Variants in GRIK5 observed in about 807,000 individuals in gnomAD.
The protein encoded by GRIK5 is glutamate ionotropic receptor kainate type subunit 5.
In GRIK5, 43 loss-of-function variants were observed where a neutral mutation model predicts 97.4. That is an observed-to-expected ratio of 0.44 (90% CI 0.35 to 0.57). The LOEUF is 0.57. GRIK5 is among the 20% of genes least tolerant of loss of function. The pLI, the probability that GRIK5 is intolerant of heterozygous loss-of-function variation, is 0.01. For synonymous variants in GRIK5, 580 were observed against 583.5 expected (o/e 0.99, Z 0.09); for missense variants, 1,015 against 1,382.0 (o/e 0.73, Z 4.21).
At chr19:42,066,686 G>A (rs1349531028) in intron 1 of GRIK5, among the ~76,000 whole-genome samples, 1 of 151,804 alleles carries the variant, frequency 6.6e-6, no homozygotes, top group Non-Finnish European at 1.5e-5. Context: ...CTAGGAGGGA[G>A]AAAGAGGGAA....
At chr19:42,004,238 A>C (rs894836713) in intron 17 of GRIK5, among the ~76,000 whole-genome samples, 3 of 152,090 alleles carry the variant, frequency 2.0e-5, no homozygotes, top group Non-Finnish European at 4.4e-5. Flanking sequence ...TGTGTTTATC[A>C]TCTTTCGTCT....
At position 42,056,678 on chromosome 19, in the gene GRIK5, G is replaced by A. The variant is rs756027012; in HGVS notation, c.887C>T (p.Thr296Ile). The A allele has an allele frequency of 1.5e-5, 24 of 1,614,110 alleles. No individual in the cohort carries two copies. The highest frequency in any genetic ancestry group is 1.9e-5 in the Non-Finnish European group (23 of 1,179,966). Residue 296 changes from threonine (T) to isoleucine (I), a missense_variant, in exon 8 of 20, where the codon ACC (threonine) becomes ATC (isoleucine). Around this residue, in one of 5 missense-constraint regions of GRIK5, gnomAD observed 477 missense variants for 701.1 expected, o/e 0.68. Coordinates refer to ENST00000593562, the MANE Select transcript of GRIK5 (RefSeq NM_002088.5). ...TGTGCTCACCGCAGGGCCCAGGTAG[G>A]TGCTGGCTTCACAGTTCTCCCTCCA... ...MSWRENCEASTYLGPALSAAL... is the reference protein window; with the variant it reads ...MSWRENCEASIYLGPALSAAL...
chr19:42,003,249 A>G lies in GRIK5; in HGVS notation c.2514+83T>C. On this transcript the variant is annotated intron_variant, in intron 19 of 19. Transcript: ENST00000593562. The surrounding 1 kb of genome is among the most constrained non-coding windows in gnomAD (Gnocchi z 4.2). ...TCGCGATCCCCACCACCCTCCAGGT[A>G]TGGCTCCCAATGCCACAATCTTCAC... The G allele has an allele frequency of 1.5e-6, 2 of 1,294,258 alleles. No homozygotes were observed. Among genetic ancestry groups the G allele is most frequent in the Admixed American group, 1.8e-5 (1 of 56,242 alleles). The allele number at this position is 1,294,258 out of a possible 1,614,324, so 80.2% of individuals were successfully genotyped here. A position where few individuals can be genotyped will look rare whatever the true frequency, so the allele number is the denominator to read the frequency against.
intron 11 of GRIK5, among the ~76,000 whole-genome samples, chr19:42,048,630 A>C (rs1162090651): frequency 6.6e-6 from 1 of 152,026 alleles, no homozygotes; most frequent in Non-Finnish European, 1.5e-5. Context: ...AAAATAAAAA[A>C]ATAAACAAAT....
chr19:42,060,939 C>T (rs1011106150), intron 5 of GRIK5, among the ~76,000 whole-genome samples: 1 of 152,130 alleles, frequency 6.6e-6, no homozygotes, highest in Admixed American at 6.5e-5. Context: ...GTGTTTTTTG[C>T]CCAAGTCCTC....
In GRIK5 at chr19:42,002,713, A is replaced by G. The variant is rs2075437718; in HGVS notation, c.2514+619T>C. ...GGGCGGCCCCCAGGGACATGGAAGC[A>G]GCCCTCCTGAACACAGTGTGGGACC... On this transcript the variant is annotated intron_variant, in intron 19 of 19. Transcript: ENST00000593562. This position sits in a 1 kb window ranked among gnomAD's most constrained non-coding sequence, Gnocchi z 5.2. Among the ~76,000 whole-genome samples, 1 of 152,114 alleles carries G rather than the reference A, an allele frequency of 6.6e-6. No homozygotes were observed. The highest frequency in any genetic ancestry group is 2.4e-5 in the African/African-American group (1 of 41,412).
chr19:42,049,026 G>A (rs2076079375), intron 11 of GRIK5, among the ~76,000 whole-genome samples: 1 of 152,078 alleles, frequency 6.6e-6, no homozygotes, highest in Non-Finnish European at 1.5e-5. Context: ...GGGTAACAGA[G>A]CAAGACCCTC....
At chr19:42,027,924 G>A (rs2075791831) in intron 12 of GRIK5, among the ~76,000 whole-genome samples, 1 of 152,094 alleles carries the variant, frequency 6.6e-6, no homozygotes, top group South Asian at 2.1e-4. Flanking sequence ...CAAACTCTTG[G>A]GCTCAAGCGA....
intron 12 of GRIK5, among the ~76,000 whole-genome samples, chr19:42,032,206 T>A (rs922312247): frequency 4.6e-5 from 7 of 152,210 alleles, no homozygotes; most frequent in African/African-American, 1.7e-4. Context: ...AATGGCTAAA[T>A]AAATTATGGT....
Position 42,003,347 on chromosome 19 carries a change from T to TGACCTCCGTGTG in GRIK5, c.2487_2498dup (p.Thr830_Ser833dup), listed in dbSNP as rs1555871500. 4 of 1,486,652 alleles carry TGACCTCCGTGTG rather than the reference T, an allele frequency of 2.7e-6. No homozygotes were observed. Among genetic ancestry groups the TGACCTCCGTGTG allele is most frequent in the Non-Finnish European group, 3.7e-6 (4 of 1,069,608 alleles). The allele number at this position is 1,486,652 out of a possible 1,614,324, so 92.1% of individuals were successfully genotyped here. A position where few individuals can be genotyped will look rare whatever the true frequency, so the allele number is the denominator to read the frequency against. On this transcript the variant is annotated inframe_insertion, in exon 19 of 20. Coordinates refer to ENST00000593562, the MANE Select transcript of GRIK5 (RefSeq NM_002088.5). The surrounding 1 kb of genome is among the most constrained non-coding windows in gnomAD (Gnocchi z 4.2). The stretch of plus-strand genomic sequence containing the variant: ...GCCTCCTCACCTCCTCGGACTCAGC[T>TGACCTCCGTGTG]GACCTCCGTGTGGACCATATGAATT...
In GRIK5 at chr19:42,006,550, C is replaced by G; in HGVS notation, c.2037+95G>C. On this transcript the variant is annotated intron_variant, in intron 16 of 19. Coordinates refer to ENST00000593562, the MANE Select transcript of GRIK5 (RefSeq NM_002088.5). The surrounding 1 kb of genome is among the most constrained non-coding windows in gnomAD (Gnocchi z 5.3). ...CTCCAGGCTGTCACTGACAATCAGT[C>G]CCTCTGACCCAGGAGACCCTGCCCA... The G allele has an allele frequency of 9.5e-7, 1 of 1,053,622 alleles. No individual in the cohort carries two copies. Among genetic ancestry groups the G allele is most frequent in the Non-Finnish European group, 1.4e-6 (1 of 701,524 alleles). The allele number at this position is 1,053,622 out of a possible 1,614,324, so 65.3% of individuals were successfully genotyped here.
rs1350206494 is a variant in GRIK5 at position 41,999,373 on chromosome 19, A to C, written c.2515-74T>G. The C allele has an allele frequency of 1.3e-4, 129 of 992,170 alleles. No individual in the cohort carries two copies. In the African/African-American group the frequency reaches 1.4e-3, roughly 11 times the overall value. The allele number at this position is 992,170 out of a possible 1,614,324, so 61.5% of individuals were successfully genotyped here. ...CTCCCCCAGCCCCTCTCCACATCCC[A>C]CTCCTCCTCCTCCTTTCCTCGCCCG... On this transcript the variant is annotated intron_variant, in intron 19 of 19. Coordinates refer to ENST00000593562, the MANE Select transcript of GRIK5 (RefSeq NM_002088.5). The surrounding 1 kb of genome is among the most constrained non-coding windows in gnomAD (Gnocchi z 5.0).
At chr19:42,030,110 T>A (rs544966243) in intron 12 of GRIK5, among the ~76,000 whole-genome samples, 1 of 152,234 alleles carries the variant, frequency 6.6e-6, no homozygotes, top group Non-Finnish European at 1.5e-5. Context: ...CAATTCTTTA[T>A]ACTAAATACT....
chr19:42,036,250 T>A (rs961696976), intron 12 of GRIK5, among the ~76,000 whole-genome samples: 1 of 152,074 alleles, frequency 6.6e-6, no homozygotes, highest in African/African-American at 2.4e-5. Context: ...TTAGTAGAGA[T>A]GGGGTTTCAC....
intron 11 of GRIK5, among the ~76,000 whole-genome samples, chr19:42,044,028 G>C (rs1275761619): frequency 6.6e-6 from 1 of 152,202 alleles, no homozygotes; most frequent in East Asian, 1.9e-4. Context: ...CCAGGTGGAG[G>C]TAACTGAATC....
chr19:42,050,494 C>A (rs1421313867), intron 11 of GRIK5, among the ~76,000 whole-genome samples: 1 of 151,566 alleles, frequency 6.6e-6, no homozygotes, highest in East Asian at 2.0e-4. Flanking sequence ...CCCGTCTCTA[C>A]TAAAAATACA....
chr19:42,053,949 G>C lies in GRIK5; in HGVS notation c.1057-20C>G, dbSNP rs772118964. ...CTCTACCTGGCAGGGTGGGGAGGTG[G>C]GGCAGAGGGAGAGTGCAGGGGCCCA... On this transcript the variant is annotated intron_variant, in intron 9 of 19. Transcript: ENST00000593562. 8 of 1,556,262 alleles carry C rather than the reference G, an allele frequency of 5.1e-6. No individual in the cohort carries two copies. The East Asian group carries it at 1.8e-4, about 35-fold the overall frequency.
At chr19:42,018,148 C>G (rs1169326261) in intron 15 of GRIK5, among the ~76,000 whole-genome samples, 1 of 30,884 alleles carries the variant, frequency 3.2e-5, no homozygotes, top group Admixed American at 4.5e-4. Flanking sequence ...CCCATCTCTA[C>G]TAAAAAAAAA....
rs1270512916 is a variant in GRIK5, at chr19:42,042,222, C to T, written c.1473+330G>A. ...CAGGAAGCCTTTGACCTCCTCAGACCTTTTCCTGCTCCCCACTCCATGTCT... is the reference window on the plus strand; with the variant it reads ...CAGGAAGCCTTTGACCTCCTCAGACTTTTTCCTGCTCCCCACTCCATGTCT... On this transcript the variant is annotated intron_variant, in intron 12 of 19. Transcript: ENST00000593562. The surrounding 1 kb of genome is among the most constrained non-coding windows in gnomAD (Gnocchi z 6.9). 6.6e-6 allele frequency among the ~76,000 whole-genome samples: 1 copy of T among 152,216 alleles called. No homozygotes were observed. Among genetic ancestry groups the T allele is most frequent in the Non-Finnish European group, 1.5e-5 (1 of 68,036 alleles).
Sources: allele counts gnomAD v4.1 joint callset (sites outside exome capture counted in the v4.1 genomes callset), GRCh38; gene constraint gnomAD v4.1.1; regional missense constraint gnomAD v4.1.1; non-coding constraint Gnocchi (gnomAD v3.1); transcripts MANE v1.5; gene names NCBI Gene and HGNC (gene_info 2026-07-23, HGNC 2026-07-21).